FAM204A: variants seen among roughly 807,000 people sequenced by gnomAD.
FAM204A encodes the protein protein FAM204A.
In FAM204A, 16 loss-of-function variants were observed where a neutral mutation model predicts 35.4. The observed-to-expected ratio is 0.45, with a 90% CI of 0.31 to 0.69. The LOEUF is 0.69. Ranked by LOEUF, FAM204A falls within the 30% of genes least tolerant of loss-of-function variation. FAM204A has a pLI of 0.07. For missense variants in FAM204A, 240 were observed against 265.7 expected (o/e 0.90, Z 0.67); for synonymous variants, 76 against 86.9 (o/e 0.88, Z 0.70).
rs751592590 is a variant in FAM204A at position 118,311,199 on chromosome 10, A to G, written c.650+8T>C. The G allele has an allele frequency of 2.0e-5, 32 of 1,601,970 alleles. No individual in the cohort carries two copies. In the Admixed American group the frequency reaches 5.6e-4, roughly 28 times the overall value. On this transcript the variant is annotated splice_region_variant and intron_variant, in intron 8 of 8. Coordinates refer to ENST00000369183, the MANE Select transcript of FAM204A (RefSeq NM_022063.3). ...AGATTTACTACCAAAAATCTTAAGT[A>G]AACTCACCCCCATGCAAGTTTCTTC... is the stretch of plus-strand genomic sequence containing the variant.
At chr10:118,318,649 C>T (rs1483210771) in intron 7 of FAM204A, among the ~76,000 whole-genome samples, 2 of 152,050 alleles carry the variant, frequency 1.3e-5, no homozygotes, top group East Asian at 1.9e-4. Flanking sequence ...ACCTCAGAAA[C>T]GTGGCTGTCA....
intron 6 of FAM204A, among the ~76,000 whole-genome samples, chr10:118,329,806 A>C (rs1420511980): frequency 6.6e-6 from 1 of 152,158 alleles, no homozygotes; most frequent in Non-Finnish European, 1.5e-5. Context: ...TGATATTCAC[A>C]CTGCCGTCAT....
In FAM204A at chr10:118,309,087, T is replaced by C. The variant is rs1209891905; in HGVS notation, c.*1770A>G. 3 of 152,208 alleles carry C rather than the reference T, an allele frequency of 2.0e-5. No individual in the cohort carries two copies. The highest frequency in any genetic ancestry group is 2.1e-4 in the South Asian group (1 of 4,832). The allele number at this position is 152,208 out of a possible 1,614,324, so 9.4% of individuals were successfully genotyped here. On this transcript the variant is annotated 3_prime_UTR_variant, in exon 9 of 9. Transcript: ENST00000369183. ...ACTAAAAGTCTGTATTTACCTAATT[T>C]AGCAGTTTGAAATGAATATTGTAGG...
At chr10:118,333,891 C>T (rs1301189184) in intron 6 of FAM204A, among the ~76,000 whole-genome samples, 2 of 152,086 alleles carry the variant, frequency 1.3e-5, no homozygotes, top group Non-Finnish European at 2.9e-5. Flanking sequence ...AGAAGAAATA[C>T]AGATGGATCA....
chr10:118,308,309 G>A lies in FAM204A; in HGVS notation c.*2548C>T, dbSNP rs956310446. ...GGTGGTAGTAAATGCACATATTGAA[G>A]TTTTAGGAACCAAAGTTATTACTGA... On this transcript the variant is annotated 3_prime_UTR_variant, in exon 9 of 9. Transcript: ENST00000369183. 2.6e-5 allele frequency: 4 copies of A among 152,200 alleles called. No homozygotes were observed. Among genetic ancestry groups the A allele is most frequent in the African/African-American group, 9.7e-5 (4 of 41,442 alleles). 9.4% of individuals were successfully genotyped at this position (152,200 alleles called of 1,614,324 possible). A position where few individuals can be genotyped will look rare whatever the true frequency, so the allele number is the denominator to read the frequency against.
At chr10:118,324,402 G>C (rs1846166348) in intron 7 of FAM204A, among the ~76,000 whole-genome samples, 1 of 152,194 alleles carries the variant, frequency 6.6e-6, no homozygotes, top group African/African-American at 2.4e-5. Flanking sequence ...GTAATGGTCA[G>C]AAGGTAGAAG....
chr10:118,336,626 G>A (rs1252035943), intron 2 of FAM204A, among the ~76,000 whole-genome samples: 2 of 151,456 alleles, frequency 1.3e-5, no homozygotes, highest in Non-Finnish European at 2.9e-5. Context: ...TAAAAAAAAA[G>A]TTTAGAAGTT....
chr10:118,307,263 T>C lies in FAM204A; in HGVS notation c.*3594A>G, dbSNP rs2119779749. ...ACAAATACCAGTCTACATTTGGTTC[T>C]GGAAAAAGATTTTCATGTACATATT... On this transcript the variant is annotated 3_prime_UTR_variant, in exon 9 of 9. Coordinates refer to ENST00000369183, the MANE Select transcript of FAM204A (RefSeq NM_022063.3). The C allele has an allele frequency of 6.6e-6, 1 of 152,346 alleles. No individual in the cohort carries two copies. The highest frequency in any genetic ancestry group is 2.1e-4 in the South Asian group (1 of 4,834). The allele number at this position is 152,346 out of a possible 1,614,324, so 9.4% of individuals were successfully genotyped here.
chr10:118,308,830 G>T lies in FAM204A; in HGVS notation c.*2027C>A, dbSNP rs1318811387. The stretch of plus-strand genomic sequence containing the variant: ...GCCACTCTGGCAAGGCTTCAGTATG[G>T]GAAGTGCAACATGCCTGCAGGGGTC... On this transcript the variant is annotated 3_prime_UTR_variant, in exon 9 of 9. Coordinates refer to ENST00000369183, the MANE Select transcript of FAM204A (RefSeq NM_022063.3). The T allele has an allele frequency of 6.6e-6, 1 of 151,802 alleles. No individual in the cohort carries two copies. Among genetic ancestry groups the T allele is most frequent in the African/African-American group, 2.4e-5 (1 of 41,238 alleles). The allele number at this position is 151,802 out of a possible 1,614,324, so 9.4% of individuals were successfully genotyped here.
At chr10:118,331,864 T>TATATAA (rs773597913) in intron 6 of FAM204A, among the ~76,000 whole-genome samples, 2 of 148,570 alleles carry the variant, frequency 1.3e-5, no homozygotes, top group Admixed American at 6.7e-5. Flanking sequence ...TATATATATA[T>TATATAA]AATCATACCC....
chr10:118,327,389 C>T (rs74372548), intron 6 of FAM204A, among the ~76,000 whole-genome samples: 1 of 152,270 alleles, frequency 6.6e-6, no homozygotes, highest in East Asian at 1.9e-4. Flanking sequence ...TAAGAGAAGA[C>T]GATTCCTTCT....
Position 118,300,950 on chromosome 10 carries a change from C to T in FAM204A, c.*9907G>A, listed in dbSNP as rs533946741. 82 of 152,326 alleles carry T rather than the reference C, an allele frequency of 5.4e-4. No homozygotes were observed. Among genetic ancestry groups the T allele is most frequent in the African/African-American group, 1.8e-3 (75 of 41,570 alleles). The allele number at this position is 152,326 out of a possible 1,614,324, so 9.4% of individuals were successfully genotyped here. On this transcript the variant is annotated 3_prime_UTR_variant, in exon 9 of 9. Coordinates refer to ENST00000369183, the MANE Select transcript of FAM204A (RefSeq NM_022063.3). ...TGCACTATCTTAATGTTCACAACCT[C>T]ACACAGTAAGCATTATTAACAACAG... is the stretch of plus-strand genomic sequence containing the variant.
chr10:118,320,267 TA>T (rs1217676804), intron 7 of FAM204A, among the ~76,000 whole-genome samples: 6 of 148,418 alleles, frequency 4.0e-5, no homozygotes, highest in Non-Finnish European at 9.0e-5. Flanking sequence ...ATTTATTAAA[TA>T]AAATAAAAAC....
At chr10:118,339,540 C>T (rs1258930439) in intron 2 of FAM204A, among the ~76,000 whole-genome samples, 2 of 152,094 alleles carry the variant, frequency 1.3e-5, no homozygotes, top group Non-Finnish European at 1.5e-5. Context: ...TCTCCAGAAA[C>T]GTGGAATATC....
chr10:118,326,294 T>A, intron 6 of FAM204A, 51 bp from the exon 7 acceptor site: 2 of 1,481,758 alleles, frequency 1.3e-6, no homozygotes, highest in Non-Finnish European at 1.9e-6. Flanking sequence ...AGCAAACATT[T>A]GCTAGCCAAG....
chr10:118,336,347 A>T lies in FAM204A; in HGVS notation c.69T>A (p.Ala23=), dbSNP rs199657089. ...SDAESNSEDE[A]TLENSGLNLQ... ...AGTTAAGTCCAGAGTTCTCCAACGT[A>T]GCTTCATCTTCCGAGTTTGACTCAG... The change falls in exon 3 of 9, where the codon GCT becomes GCA. Residue 23 remains alanine, a synonymous_variant. Coordinates refer to ENST00000369183, the MANE Select transcript of FAM204A (RefSeq NM_022063.3). 6.2e-7 allele frequency: 1 copy of T among 1,613,860 alleles called. No homozygotes were observed. Among genetic ancestry groups the T allele is most frequent in the Non-Finnish European group, 8.5e-7 (1 of 1,179,882 alleles).
intron 7 of FAM204A, among the ~76,000 whole-genome samples, chr10:118,322,132 A>AT (rs1245233427): frequency 6.6e-6 from 1 of 152,276 alleles, no homozygotes; most frequent in East Asian, 1.9e-4. Context: ...AGTCACCATA[A>AT]TAAAAACTGT....
At chr10:118,329,187 CAA>C (rs947290828) in intron 6 of FAM204A, among the ~76,000 whole-genome samples, 14 of 152,120 alleles carry the variant, frequency 9.2e-5, no homozygotes, top group Admixed American at 8.5e-4. Flanking sequence ...TCTATTTTGG[CAA>C]AAGTCTCTCA....
At chr10:118,321,644 C>A (rs1318212884) in intron 7 of FAM204A, among the ~76,000 whole-genome samples, 2 of 133,226 alleles carry the variant, frequency 1.5e-5, no homozygotes, top group African/African-American at 2.8e-5. Context: ...AAAAGTGTGA[C>A]AGGAAATAGC....
Sources: gnomAD v4.1 joint callset for allele counts (sites outside exome capture counted in the v4.1 genomes callset) on GRCh38, gnomAD v4.1.1 for gene constraint, MANE v1.5 for transcripts, NCBI Gene and HGNC (gene_info 2026-07-23, HGNC 2026-07-21) for gene names.